Variants in OR7D4 observed in about 807,000 individuals in gnomAD.
OR7D4 encodes the protein olfactory receptor family 7 subfamily D member 4, also known as olfactory receptor 7D4.
For synonymous variants in OR7D4, 154 were observed against 158.4 expected (o/e 0.97, Z 0.21); for missense variants, 319 against 377.1 (o/e 0.85, Z 1.27).
rs201382792 is a variant in OR7D4 at position 9,214,762 on chromosome 19, C to T, written c.76G>A (p.Val26Ile). The T allele has an allele frequency of 7.4e-5, 120 of 1,613,762 alleles. 2 individuals carry two copies. The East Asian group carries it at 8.7e-4, about 12-fold the overall frequency. ...GLSDDPELQPVLFGLFLSMYL... is the reference protein window; with the variant it reads ...GLSDDPELQPILFGLFLSMYL... ...ATGGACAGGAACAGCCCAAAGAGGA[C>T]GGGCTGCAGTTCAGGATCATCTGAG... Residue 26 changes from valine (V) to isoleucine (I), a missense_variant, in exon 2 of 2, where the codon GTC (valine) becomes ATC (isoleucine). Transcript: ENST00000641669.
intron 1 of OR7D4, among the ~76,000 whole-genome samples, chr19:9,216,217 A>T (rs932828721): frequency 6.6e-6 from 1 of 151,628 alleles, no homozygotes; most frequent in Non-Finnish European, 1.5e-5. Flanking sequence ...GTCATCATGA[A>T]CTCCTGCCTC....
At chr19:9,218,476 C>T (rs1051972853) in intron 1 of OR7D4, among the ~76,000 whole-genome samples, 1 of 152,022 alleles carries the variant, frequency 6.6e-6, no homozygotes, top group East Asian at 1.9e-4. Flanking sequence ...AGGAAGAAAC[C>T]AAGGACAATT....
intron 1 of OR7D4, among the ~76,000 whole-genome samples, chr19:9,217,363 A>AT (rs1241278779): frequency 6.6e-6 from 1 of 152,192 alleles, no homozygotes; most frequent in African/African-American, 2.4e-5. Flanking sequence ...TTGAAAAAAA[A>AT]TTTGCATTTT....
rs776537954 is a variant in OR7D4, at chr19:9,214,642, G to A, written c.196C>T (p.Leu66=). 11 of 1,614,056 alleles carry A rather than the reference G, an allele frequency of 6.8e-6. No homozygotes were observed. The African/African-American group carries it at 1.2e-4, about 18-fold the overall frequency. ...ATGAAACAGATGTCAACAAAGGACA[G>A]GTTGGAGAGGAAGAAGTACATGGGG... ...HTPMYFFLSN[L]SFVDICFIST... Residue 66 remains leucine, a synonymous_variant, in exon 2 of 2, where the codon CTG becomes TTG. Transcript: ENST00000641669.
Position 9,211,818 on chromosome 19 carries a change from T to C in OR7D4, c.*2081A>G, listed in dbSNP as rs2051174823. Reference sequence around the variant, plus strand: ...AAAAAGGTGCAACATATTCTTCTCATGGAAGGCCTGCTTCTTCTTTATTTA... The same window carrying C: ...AAAAAGGTGCAACATATTCTTCTCACGGAAGGCCTGCTTCTTCTTTATTTA... On this transcript the variant is annotated 3_prime_UTR_variant, in exon 2 of 2. Coordinates refer to ENST00000641669, the MANE Select transcript of OR7D4 (RefSeq NM_001005191.3). 1 of 150,306 alleles carries C rather than the reference T, an allele frequency of 6.7e-6. No individual in the cohort carries two copies. The highest frequency in any genetic ancestry group is 2.1e-4 in the South Asian group (1 of 4,704). 9.3% of individuals were successfully genotyped at this position (150,306 alleles called of 1,614,324 possible). A position where few individuals can be genotyped will look rare whatever the true frequency, so the allele number is the denominator to read the frequency against.
chr19:9,214,692 A>G lies in OR7D4; in HGVS notation c.146T>C (p.Val49Ala), dbSNP rs758002836. ...VLGNLLIILA[V>A]SSDSHLHTPM... ...GGTGTGGAGGTGGGAGTCAGAGCTG[A>G]CGGCCAGAATGATGAGCAGGTTCCC... Residue 49 changes from valine (V) to alanine (A), a missense_variant, in exon 2 of 2, where the codon GTC becomes GCC. Coordinates refer to ENST00000641669, the MANE Select transcript of OR7D4 (RefSeq NM_001005191.3). 8.7e-6 allele frequency: 14 copies of G among 1,614,140 alleles called. No individual in the cohort carries two copies. The highest frequency in any genetic ancestry group is 5.0e-5 in the Admixed American group (3 of 60,012).
rs1210747206 is a variant in OR7D4 at position 9,211,947 on chromosome 19, A to G, written c.*1952T>C. On this transcript the variant is annotated 3_prime_UTR_variant, in exon 2 of 2. Coordinates refer to ENST00000641669, the MANE Select transcript of OR7D4 (RefSeq NM_001005191.3). Reference sequence around the variant, plus strand: ...CTGTCTCTGAAACTTGGTGGTGGGAACTCAGAGGACAGAAGAGGTTTTAAT... The same window carrying G: ...CTGTCTCTGAAACTTGGTGGTGGGAGCTCAGAGGACAGAAGAGGTTTTAAT... The G allele has an allele frequency of 1.3e-5, 2 of 152,100 alleles. No individual in the cohort carries two copies. Among genetic ancestry groups the G allele is most frequent in the Non-Finnish European group, 2.9e-5 (2 of 68,026 alleles). The allele number at this position is 152,100 out of a possible 1,614,324, so 9.4% of individuals were successfully genotyped here.
chr19:9,214,809 G>C lies in OR7D4; in HGVS notation c.29C>G (p.Ser10Ter). Residue 10 changes from serine (S) to a stop codon, truncating the protein, a stop_gained, in exon 2 of 2, where the codon TCA (serine) becomes TGA (stop). Transcript: ENST00000641669. LOFTEE classifies it low-confidence loss of function (END_TRUNC). MEAENLTEL[S>*]KFLLLGLSDD... is the part of the protein sequence containing the mutation. ...TGAGAGTCCCAGGAGGAGAAATTTT[G>C]ATAATTCTGTAAGGTTTTCTGCTTC... The C allele has an allele frequency of 1.9e-6, 3 of 1,609,428 alleles. No homozygotes were observed. The highest frequency in any genetic ancestry group is 2.5e-6 in the Non-Finnish European group (3 of 1,177,912).
At chr19:9,217,454 C>T (rs572572280) in intron 1 of OR7D4, among the ~76,000 whole-genome samples, 117 of 152,220 alleles carry the variant, frequency 7.7e-4, no homozygotes, top group Non-Finnish European at 1.4e-3. Flanking sequence ...CACTGAAGAC[C>T]AACTTTAGTC....
chr19:9,214,331 G>A lies in OR7D4; in HGVS notation c.507C>T (p.Ser169=), dbSNP rs747477475. ...AGAAATGCGGAATCTCAGTGCCTGT[G>A]GAGAAGGTCAACCTCTTCATCAGTA... is the stretch of plus-strand genomic sequence containing the variant. The part of the protein sequence containing the change: ...HILLMKRLTF[S]TGTEIPHFFC... Residue 169 remains serine (S), a synonymous_variant, in exon 2 of 2, where the codon TCC becomes TCT. Transcript: ENST00000641669. 29 of 1,613,926 alleles carry A rather than the reference G, an allele frequency of 1.8e-5. No homozygotes were observed. Among genetic ancestry groups the A allele is most frequent in the Non-Finnish European group, 2.3e-5 (27 of 1,179,966 alleles).
rs777804252 is a variant in OR7D4 at position 9,214,862 on chromosome 19, G to A, written c.-13-12C>T. On this transcript the variant is annotated splice_polypyrimidine_tract_variant and intron_variant, in intron 1 of 1. Coordinates refer to ENST00000641669, the MANE Select transcript of OR7D4 (RefSeq NM_001005191.3). ...TGTAGCTGTTGTGTCTGCTGGGGAAGGAGGAAAAAGCAACGTTTAATGAAC... is the reference window on the plus strand; with the variant it reads ...TGTAGCTGTTGTGTCTGCTGGGGAAAGAGGAAAAAGCAACGTTTAATGAAC... The A allele has an allele frequency of 4.8e-6, 7 of 1,463,382 alleles. No homozygotes were observed. The highest frequency in any genetic ancestry group is 1.3e-5 in the South Asian group (1 of 78,786). 90.6% of individuals were successfully genotyped at this position (1,463,382 alleles called of 1,614,324 possible).
intron 1 of OR7D4, among the ~76,000 whole-genome samples, chr19:9,217,287 G>A (rs1365815528): frequency 6.6e-6 from 1 of 152,062 alleles, no homozygotes; most frequent in Non-Finnish European, 1.5e-5. Flanking sequence ...TGATAAGTTT[G>A]ATATAAAAAT....
At position 9,214,044 on chromosome 19, in the gene OR7D4, G is replaced by C; in HGVS notation, c.794C>G (p.Thr265Ser). The C allele has an allele frequency of 2.5e-6, 4 of 1,614,122 alleles. No individual in the cohort carries two copies. Among genetic ancestry groups the C allele is most frequent in the Non-Finnish European group, 3.4e-6 (4 of 1,180,008 alleles). ...GGTGGAGCTGCTCTGGGAAGAATGG[G>C]TCACAGCAGAACTCAGATAGACCCC... ...GLGVYLSSAV[T>S]HSSQSSSTAS... The change falls in exon 2 of 2, where the codon ACC becomes AGC. Residue 265 changes from threonine (T) to serine (S), a missense_variant. Thr to Ser is a moderately conservative substitution (Grantham distance 58, BLOSUM62 1). Transcript: ENST00000641669.
intron 1 of OR7D4, 100 bp from the exon 2 acceptor site, chr19:9,214,950 C>A (rs184326022): frequency 3.1e-6 from 2 of 640,198 alleles, no homozygotes; most frequent in Non-Finnish European, 5.5e-6. Context: ...CATTTGTCAC[C>A]CTTCCTGGAG....
At position 9,217,957 on chromosome 19, in the gene OR7D4, C is replaced by A. The variant is rs143012252; in HGVS notation, c.-14+1243G>T. ...CTTGTAAAGGAAGGGATTTGAGATG[C>A]CAGTGAGATGGGGAGCAGGGAATGA... On this transcript the variant is annotated intron_variant, in intron 1 of 1. Coordinates refer to ENST00000641669, the MANE Select transcript of OR7D4 (RefSeq NM_001005191.3). 8.7e-4 allele frequency among the ~76,000 whole-genome samples: 133 copies of A among 152,228 alleles called. 1 individual carries two copies. The highest frequency in any genetic ancestry group is 3.0e-3 in the African/African-American group (126 of 41,548).
At position 9,212,075 on chromosome 19, in the gene OR7D4, A is replaced by G. The variant is rs981402895; in HGVS notation, c.*1824T>C. ...TAAAACATTTTTAATTTTTGTGCGT[A>G]GATAGTAGCTGTATATATTTATGGG... On this transcript the variant is annotated 3_prime_UTR_variant, in exon 2 of 2. Coordinates refer to ENST00000641669, the MANE Select transcript of OR7D4 (RefSeq NM_001005191.3). The G allele has an allele frequency of 1.3e-5, 2 of 152,074 alleles. No individual in the cohort carries two copies. Among genetic ancestry groups the G allele is most frequent in the African/African-American group, 4.8e-5 (2 of 41,414 alleles). The allele number at this position is 152,074 out of a possible 1,614,324, so 9.4% of individuals were successfully genotyped here.
At position 9,210,942 on chromosome 19, in the gene OR7D4, G is replaced by A. The variant is rs1046023102; in HGVS notation, c.*2957C>T. 3 of 152,248 alleles carry A rather than the reference G, an allele frequency of 2.0e-5. No individual in the cohort carries two copies. The highest frequency in any genetic ancestry group is 6.5e-5 in the Admixed American group (1 of 15,282). 9.4% of individuals were successfully genotyped at this position (152,248 alleles called of 1,614,324 possible). ...TAAGTCTGTAGAAATATCCAGTGCA[G>A]AGGAAAGGGCGACATGTCCATGTGC... On this transcript the variant is annotated 3_prime_UTR_variant, in exon 2 of 2. Transcript: ENST00000641669.
In OR7D4 at chr19:9,214,278, A is replaced by G. The variant is rs1215374790; in HGVS notation, c.560T>C (p.Val187Ala). 3.7e-6 allele frequency: 6 copies of G among 1,614,022 alleles called. No homozygotes were observed. Among genetic ancestry groups the G allele is most frequent in the African/African-American group, 1.3e-5 (1 of 74,908 alleles). ...ATTGAGGAGGGTGTTAGAGCAGGCC[A>G]CCTTGAGGACCTGAGCCGGTTCACA... ...FFCEPAQVLK[V>A]ACSNTLLNNI... The change falls in exon 2 of 2, where the codon GTG (valine) becomes GCG (alanine). Residue 187 changes from valine to alanine, a missense_variant. By Grantham distance (64) the Val-to-Ala change is moderately conservative. Transcript: ENST00000641669.
chr19:9,218,635 T>C (rs2051234747), intron 1 of OR7D4, among the ~76,000 whole-genome samples: 1 of 151,562 alleles, frequency 6.6e-6, no homozygotes, highest in Non-Finnish European at 1.5e-5. Context: ...TGCAAATGGA[T>C]TTTTTTTTGG....
Sources: gnomAD v4.1 joint callset for allele counts (sites outside exome capture counted in the v4.1 genomes callset) on GRCh38, gnomAD v4.1.1 for gene constraint, MANE v1.5 for transcripts, NCBI Gene and HGNC (gene_info 2026-07-23, HGNC 2026-07-21) for gene names.